Variants in IYD observed in about 807,000 individuals in gnomAD.
The protein encoded by IYD is iodotyrosine deiodinase 1.
Under a neutral mutation model 28.4 loss-of-function variants are expected in IYD, and 25 were observed. That is an observed-to-expected ratio of 0.88 (90% CI 0.64 to 1.23). IYD has a LOEUF of 1.23. Among genes scored for constraint, IYD ranks in the 50% most tolerant of loss-of-function variants. IYD has a pLI of 0.00. For missense variants in IYD, 352 were observed against 357.9 expected, an observed-to-expected ratio of 0.98 and a Z score of 0.13; for synonymous variants, 140 against 130.8, an observed-to-expected ratio of 1.07 and a Z score of -0.48.
At chr6:150,396,456 TC>T in intron 4 of IYD, 1 of 696,766 alleles carries the variant, frequency 1.4e-6, no homozygotes, top group Non-Finnish European at 2.6e-6. Flanking sequence ...TTTAATATGG[TC>T]TGTGTATTTG....
intron 1 of IYD, chr6:150,384,879 C>T (rs764267154): frequency 3.3e-5 from 5 of 152,016 alleles, no homozygotes; most frequent in Non-Finnish European, 7.4e-5. Context: ...CTGGGTGTGC[C>T]CTTGGTGAAG....
At chr6:150,370,342 A>G (rs1777192370) in intron 1 of IYD, 1 of 216,778 alleles carries the variant, frequency 4.6e-6, no homozygotes, top group Non-Finnish European at 7.7e-6. Context: ...TGTGCGTGTG[A>G]GTGTGCACGT....
intron 4 of IYD, chr6:150,395,411 C>T: frequency 6.5e-7 from 1 of 1,537,106 alleles, no homozygotes; most frequent in South Asian, 1.2e-5. Flanking sequence ...GAAAAATTAT[C>T]CTGAAGGAGC....
intron 1 of IYD, among the ~76,000 whole-genome samples, chr6:150,385,564 A>AT (rs1172699838): frequency 2.8e-5 from 2 of 70,838 alleles, no homozygotes; most frequent in African/African-American, 1.2e-4. Flanking sequence ...CTTGGCCAAG[A>AT]TGTATTTTTT....
chr6:150,390,437 G>A (rs1242060885), intron 2 of IYD, among the ~76,000 whole-genome samples: 2 of 152,142 alleles, frequency 1.3e-5, no homozygotes, highest in Non-Finnish European at 2.9e-5. Flanking sequence ...CTTATGTTTA[G>A]AGATACAAAT....
rs987335824 is a variant in IYD at position 150,403,454 on chromosome 6, A to G, written c.*5217A>G. The G allele has an allele frequency of 1.3e-5, 2 of 152,230 alleles. No individual in the cohort carries two copies. The highest frequency in any genetic ancestry group is 1.9e-4 in the East Asian group (1 of 5,192). The allele number at this position is 152,230 out of a possible 1,614,324, so 9.4% of individuals were successfully genotyped here. On this transcript the variant is annotated 3_prime_UTR_variant, in exon 5 of 5. Coordinates refer to ENST00000344419, the MANE Select transcript of IYD (RefSeq NM_203395.3). ...TGGACACTCAAAAAACGTTGCGTTTATCTACCTTTTAGAGAGGGTGAATAG... is the reference window on the plus strand; with the variant it reads ...TGGACACTCAAAAAACGTTGCGTTTGTCTACCTTTTAGAGAGGGTGAATAG...
At chr6:150,376,608 A>G (rs372181341) in intron 1 of IYD, among the ~76,000 whole-genome samples, 1 of 151,990 alleles carries the variant, frequency 6.6e-6, no homozygotes, top group Admixed American at 6.6e-5. Context: ...TCTTAAGACA[A>G]TTACATTTCT....
intron 1 of IYD, chr6:150,385,185 C>T (rs1267602690): frequency 2.6e-5 from 4 of 152,080 alleles, no homozygotes; most frequent in African/African-American, 9.7e-5. Flanking sequence ...TTAAGAAATC[C>T]TTCTCCACTC....
At chr6:150,369,919 T>G in intron 1 of IYD, 3 of 697,742 alleles carry the variant, frequency 4.3e-6, no homozygotes, top group Non-Finnish European at 7.8e-6. Flanking sequence ...AAGTGGAGAA[T>G]TGAGGGTGGA....
chr6:150,390,992 A>G (rs1778096560), intron 2 of IYD, among the ~76,000 whole-genome samples: 2 of 152,128 alleles, frequency 1.3e-5, no homozygotes, highest in Non-Finnish European at 2.9e-5. Context: ...TAATCCCAGC[A>G]CTTTGGGAGG....
intron 1 of IYD, among the ~76,000 whole-genome samples, chr6:150,373,301 GT>G (rs1777337768): frequency 6.6e-6 from 1 of 152,184 alleles, no homozygotes; most frequent in African/African-American, 2.4e-5. Context: ...TTCAAAACTG[GT>G]TCCAAGCCTG....
intron 3 of IYD, among the ~76,000 whole-genome samples, chr6:150,393,278 G>A (rs1032753827): frequency 1.3e-5 from 2 of 152,232 alleles, no homozygotes; most frequent in Non-Finnish European, 2.9e-5. Context: ...CCCAGCTCCA[G>A]TGCAGATCTT....
rs1158834104 is a variant in IYD at position 150,399,050 on chromosome 6, A to C, written c.*813A>C. The C allele has an allele frequency of 6.6e-6, 1 of 152,328 alleles. No homozygotes were observed. Among genetic ancestry groups the C allele is most frequent in the Non-Finnish European group, 1.5e-5 (1 of 68,164 alleles). 9.4% of individuals were successfully genotyped at this position (152,328 alleles called of 1,614,324 possible). A position where few individuals can be genotyped will look rare whatever the true frequency, so the allele number is the denominator to read the frequency against. On this transcript the variant is annotated 3_prime_UTR_variant, in exon 5 of 5. Coordinates refer to ENST00000344419, the MANE Select transcript of IYD (RefSeq NM_203395.3). ...AGAGCGAGAACCTGTCTCAAAAAAA[A>C]CAAAAACAAAGTTACTAAAATGTCA...
intron 4 of IYD, among the ~76,000 whole-genome samples, chr6:150,394,923 G>A (rs1316582415): frequency 6.6e-6 from 1 of 152,192 alleles, no homozygotes; most frequent in Non-Finnish European, 1.5e-5. Context: ...TGACCCCCGG[G>A]CTTAAGTGAT....
Position 150,394,110 on chromosome 6 carries a change from T to C in IYD, c.542T>C (p.Ile181Thr). The change falls in exon 4 of 5, where the codon ATT (isoleucine) becomes ACT (threonine). Residue 181 changes from isoleucine (I) to threonine (T), a missense_variant. Ile to Thr is a moderately conservative substitution (Grantham distance 89). Transcript: ENST00000344419. ...TTTTCTCTTCACAGAACCAACTGGA[T>C]TAAAGAGTACTTGGATACTGCCCCT... ...TDLKKLRTNWIKEYLDTAPIL... is the reference protein window; with the variant it reads ...TDLKKLRTNWTKEYLDTAPIL... 1 of 1,614,130 alleles carries C rather than the reference T, an allele frequency of 6.2e-7. No homozygotes were observed. The highest frequency in any genetic ancestry group is 1.3e-5 in the African/African-American group (1 of 75,048).
At position 150,404,782 on chromosome 6, in the gene IYD, C is replaced by G. The variant is rs1778602733; in HGVS notation, c.*6545C>G. ...GTGTATGAGGTCAGAATGCTTTTGACAGAAGTAATACAAACAAAAAAACCT... is the reference window on the plus strand; with the variant it reads ...GTGTATGAGGTCAGAATGCTTTTGAGAGAAGTAATACAAACAAAAAAACCT... On this transcript the variant is annotated 3_prime_UTR_variant, in exon 5 of 5. Transcript: ENST00000344419. The G allele has an allele frequency of 6.6e-6, 1 of 152,132 alleles. No individual in the cohort carries two copies. Among genetic ancestry groups the G allele is most frequent in the Non-Finnish European group, 1.5e-5 (1 of 68,020 alleles). The allele number at this position is 152,132 out of a possible 1,614,324, so 9.4% of individuals were successfully genotyped here.
chr6:150,374,724 G>A (rs1405315070), intron 1 of IYD, among the ~76,000 whole-genome samples: 1 of 152,140 alleles, frequency 6.6e-6, no homozygotes, highest in African/African-American at 2.4e-5. Flanking sequence ...TGAGATTTGG[G>A]TAGCGACACA....
rs1173122063 is a variant in IYD at position 150,383,815 on chromosome 6, CAA to C, written c.179-5533_179-5532del. The stretch of plus-strand genomic sequence containing the variant: ...CTCTAAAAAAAAAAAAAAACAAAAA[CAA>C]AAACAAAAAAAATTAATGTTTAAAA... On this transcript the variant is annotated intron_variant, in intron 1 of 4. Transcript: ENST00000344419. 1.6e-3 allele frequency among the ~76,000 whole-genome samples: 58 copies of C among 36,120 alleles called. No homozygotes were observed. The East Asian group carries it at 0.045, about 28-fold the overall frequency. The allele number at this position is 36,120 out of a possible 152,430, so 23.7% of individuals were successfully genotyped here.
chr6:150,396,646 G>A (rs1315449997), intron 4 of IYD: 14 of 438,990 alleles, frequency 3.2e-5, no homozygotes, highest in East Asian at 3.9e-5. Flanking sequence ...AGGCCAAGGC[G>A]GGCGGATCAC....
Sources: gnomAD v4.1 joint callset for allele counts (sites outside exome capture counted in the v4.1 genomes callset) on GRCh38, gnomAD v4.1.1 for gene constraint, MANE v1.5 for transcripts, NCBI Gene and HGNC (gene_info 2026-07-23, HGNC 2026-07-21) for gene names.